DAB2: variants seen among roughly 807,000 people sequenced by gnomAD.
DAB2 encodes the protein disabled homolog 2.
DAB2 carries 28 observed loss-of-function variants against 71.6 expected under a neutral mutation model. The ratio of observed to expected loss-of-function variants is 0.39; its 90% CI spans 0.29 to 0.54. The LOEUF is 0.54. DAB2 is among the 20% of genes least tolerant of loss of function. The pLI is 0.68. For synonymous variants in DAB2, 345 were observed against 339.7 expected (o/e 1.02, Z -0.17); for missense variants, 867 against 928.8 (o/e 0.93, Z 0.86).
At chr5:39,416,192 G>C (rs10058075) in intron 1 of DAB2, among the ~76,000 whole-genome samples, 34,616 of 151,772 alleles carry the variant, frequency 0.23, 4,073 homozygotes, top group Non-Finnish European at 0.24. Context: ...ATATTATGGT[G>C]TTTGTTGATC....
At chr5:39,414,261 AG>A (rs2112105217) in intron 1 of DAB2, among the ~76,000 whole-genome samples, 1 of 152,274 alleles carries the variant, frequency 6.6e-6, no homozygotes, top group East Asian at 1.9e-4. Flanking sequence ...TTCACAATAC[AG>A]CTGCACAGGG....
chr5:39,392,212 C>T (rs2112058962), intron 4 of DAB2, 153 bp downstream of exon 4: 1 of 666,460 alleles, frequency 1.5e-6, no homozygotes, highest in Non-Finnish European at 2.7e-6. Context: ...ACCTCCTATT[C>T]TGTTTTCTGC....
At chr5:39,387,326 T>A (rs189909153) in intron 9 of DAB2, among the ~76,000 whole-genome samples, 71 of 152,298 alleles carry the variant, frequency 4.7e-4, no homozygotes, top group Admixed American at 2.5e-3. Flanking sequence ...TATTCTAGAC[T>A]AATTCTCTTT....
intron 11 of DAB2, among the ~76,000 whole-genome samples, chr5:39,378,513 A>C (rs3776519): frequency 0.038 from 5,793 of 152,348 alleles, 157 homozygotes; most frequent in East Asian, 0.12. Context: ...GTGATGGAGC[A>C]CAAGATTATA....
In DAB2 at chr5:39,401,330, A is replaced by G. The variant is rs897004508; in HGVS notation, c.-101-6909T>C. 3.9e-5 allele frequency among the ~76,000 whole-genome samples: 6 copies of G among 152,228 alleles called. No individual in the cohort carries two copies. The South Asian group carries it at 1.2e-3, about 31-fold the overall frequency. ...TATGCATTTACAGCGAGGAGGTATCATTGCCTTTAATCTTTGAAAATGATA... is the reference window on the plus strand; with the variant it reads ...TATGCATTTACAGCGAGGAGGTATCGTTGCCTTTAATCTTTGAAAATGATA... On this transcript the variant is annotated intron_variant, in intron 1 of 14. Coordinates refer to ENST00000320816, the MANE Select transcript of DAB2 (RefSeq NM_001343.4).
At position 39,383,235 on chromosome 5, in the gene DAB2, C is replaced by G; in HGVS notation, c.724G>C (p.Glu242Gln). Reference protein sequence around the residue: ...KDILLVDLNSEIDTNQNSLRE... With the variant: ...KDILLVDLNSQIDTNQNSLRE... ...AAAGAATTCTGATTGGTGTCGATTTCAGAGTTTAGATCCACTAACAGGATA... is the reference window on the plus strand; with the variant it reads ...AAAGAATTCTGATTGGTGTCGATTTGAGAGTTTAGATCCACTAACAGGATA... Residue 242 changes from glutamate to glutamine, a missense_variant, in exon 10 of 15, where the codon GAA becomes CAA. Glu to Gln is a conservative substitution (Grantham distance 29, BLOSUM62 2). Transcript: ENST00000320816. 1 of 1,613,466 alleles carries G rather than the reference C, an allele frequency of 6.2e-7. No homozygotes were observed. The highest frequency in any genetic ancestry group is 8.5e-7 in the Non-Finnish European group (1 of 1,179,722).
intron 2 of DAB2, 68 bp from the exon 3 acceptor site, chr5:39,393,461 C>A: frequency 6.7e-7 from 1 of 1,500,742 alleles, no homozygotes; most frequent in East Asian, 2.3e-5. Context: ...GCTCTAGACT[C>A]TCCAAAATTT....
chr5:39,407,395 T>A (rs1009497523), intron 1 of DAB2, among the ~76,000 whole-genome samples: 1 of 152,180 alleles, frequency 6.6e-6, no homozygotes, highest in Non-Finnish European at 1.5e-5. Context: ...AATTTTTGTA[T>A]TTTTAGTAGA....
In DAB2 at chr5:39,374,342, C is replaced by T. The variant is rs960489789; in HGVS notation, c.*5+672G>A. On this transcript the variant is annotated intron_variant, in intron 14 of 14. Transcript: ENST00000320816. Reference sequence around the variant, plus strand: ...TGAGATCAGAATAAAGTTGCTGTCACCTTCTGTAGAGAAAGAGTTACACTG... The same window carrying T: ...TGAGATCAGAATAAAGTTGCTGTCATCTTCTGTAGAGAAAGAGTTACACTG... Among the ~76,000 whole-genome samples, 3 of 141,616 alleles carry T rather than the reference C, an allele frequency of 2.1e-5. No homozygotes were observed. The Admixed American group carries it at 2.1e-4, about 10-fold the overall frequency. The allele number at this position is 141,616 out of a possible 152,430, so 92.9% of individuals were successfully genotyped here.
At chr5:39,390,351 A>C in intron 5 of DAB2, 93 bp downstream of exon 5, 1 of 1,438,574 alleles carries the variant, frequency 7.0e-7, no homozygotes, top group Non-Finnish European at 9.4e-7. Flanking sequence ...TCTTACATCC[A>C]ATTATTTCCA....
intron 1 of DAB2, chr5:39,417,877 A>G (rs1353793487): frequency 6.6e-6 from 1 of 152,162 alleles, no homozygotes. Flanking sequence ...CTATCATTTC[A>G]ATTCTAGTAC....
At chr5:39,378,547 CATTGGT>C (rs1181113993) in intron 11 of DAB2, among the ~76,000 whole-genome samples, 3 of 152,174 alleles carry the variant, frequency 2.0e-5, no homozygotes, top group African/African-American at 7.2e-5. Flanking sequence ...TAGTCTGAGA[CATTGGT>C]ATTACCTGAC....
chr5:39,422,060 A>G lies in DAB2; in HGVS notation c.-102+2744T>C, dbSNP rs192428241. Among the ~76,000 whole-genome samples, 46 of 152,142 alleles carry G rather than the reference A, an allele frequency of 3.0e-4. No individual in the cohort carries two copies. In the East Asian group the frequency reaches 8.7e-3, roughly 29 times the overall value. On this transcript the variant is annotated intron_variant, in intron 1 of 14. Transcript: ENST00000320816. This position sits in a 1 kb window ranked among gnomAD's most constrained non-coding sequence, Gnocchi z 4.1. Reference sequence around the variant, plus strand: ...ACTCCAGCATGGGCAACAGAGGGAGACTCTGTCTCAAACAAAACAAAACAA... The same window carrying G: ...ACTCCAGCATGGGCAACAGAGGGAGGCTCTGTCTCAAACAAAACAAAACAA...
chr5:39,415,768 G>A (rs986518532), intron 1 of DAB2, among the ~76,000 whole-genome samples: 1 of 152,156 alleles, frequency 6.6e-6, no homozygotes, highest in African/African-American at 2.4e-5. Flanking sequence ...CGCATGAAGT[G>A]TAAGAGTCCA....
chr5:39,424,105 T>A (rs1057139405), intron 1 of DAB2, among the ~76,000 whole-genome samples: 1 of 152,132 alleles, frequency 6.6e-6, no homozygotes, highest in Non-Finnish European at 1.5e-5. Flanking sequence ...TGAAAACCGC[T>A]ATGTTGACTG....
chr5:39,405,980 A>G (rs187647098), intron 1 of DAB2, among the ~76,000 whole-genome samples: 3 of 152,266 alleles, frequency 2.0e-5, no homozygotes, highest in Admixed American at 2.0e-4. Context: ...AAAAAGGATA[A>G]TATGGCTTTA....
rs1369602805 is a variant in DAB2 at position 39,374,819 on chromosome 5, G to A, written c.*5+195C>T. On this transcript the variant is annotated intron_variant, in intron 14 of 14. Transcript: ENST00000320816. ...AGGGTATATTACTATTTTTTGATGT[G>A]TTTAGGAATTCTATTCTTAAGTGCC... 5.4e-6 allele frequency: 3 copies of A among 554,998 alleles called. No homozygotes were observed. In the Admixed American group the frequency reaches 1.1e-4, roughly 21 times the overall value. 34.4% of individuals were successfully genotyped at this position (554,998 alleles called of 1,614,324 possible).
chr5:39,378,295 A>G, intron 11 of DAB2, among the ~76,000 whole-genome samples: 1 of 152,156 alleles, frequency 6.6e-6, no homozygotes, highest in East Asian at 1.9e-4. Context: ...GCCTCTTTCC[A>G]AGTGCATTAA....
chr5:39,406,923 G>A (rs2112091299), intron 1 of DAB2, among the ~76,000 whole-genome samples: 1 of 152,232 alleles, frequency 6.6e-6, no homozygotes, highest in South Asian at 2.1e-4. Flanking sequence ...GTGACTTGAA[G>A]AGAAGCACTC....
Sources: allele counts gnomAD v4.1 joint callset (sites outside exome capture counted in the v4.1 genomes callset), GRCh38; gene constraint gnomAD v4.1.1; non-coding constraint Gnocchi (gnomAD v3.1); transcripts MANE v1.5; gene names NCBI Gene and HGNC (gene_info 2026-07-23, HGNC 2026-07-21).